DDX60L: variants seen among roughly 807,000 people sequenced by gnomAD.
DDX60L encodes probable ATP-dependent RNA helicase DDX60-like.
In DDX60L, 191 loss-of-function variants were observed where a neutral mutation model predicts 211.6. That is an observed-to-expected ratio of 0.90 (90% CI 0.80 to 1.02). The LOEUF (loss-of-function observed/expected upper bound fraction) is 1.02, where lower values mean the gene tolerates loss of function less well. Among genes scored for constraint, DDX60L ranks in the 50% least tolerant of loss-of-function variants. The pLI, the probability that DDX60L is intolerant of heterozygous loss-of-function variation, is 0.00. For synonymous variants in DDX60L, 706 were observed against 694.1 expected, an observed-to-expected ratio of 1.02 and a Z score of -0.27; for missense variants, 2,007 against 1,984.1, an observed-to-expected ratio of 1.01 and a Z score of -0.22.
chr4:168,440,496 C>T (rs927599908), intron 10 of DDX60L, among the ~76,000 whole-genome samples: 2 of 151,700 alleles, frequency 1.3e-5, no homozygotes, highest in South Asian at 2.1e-4. Context: ...CCAGCAAGTA[C>T]CCCCTCCTCA....
intron 8 of DDX60L, 73 bp from the exon 9 acceptor site, chr4:168,448,852 A>G: frequency 7.3e-7 from 1 of 1,370,374 alleles, no homozygotes; most frequent in Non-Finnish European, 1.0e-6. Context: ...AACCCCCTAT[A>G]AGGTAGGTCA....
rs1745456444 is a variant in DDX60L at position 168,394,637 on chromosome 4, T to C, written c.3658-20A>G. 1 of 1,571,792 alleles carries C rather than the reference T, an allele frequency of 6.4e-7. No individual in the cohort carries two copies. Among genetic ancestry groups the C allele is most frequent in the African/African-American group, 1.4e-5 (1 of 72,546 alleles). On this transcript the variant is annotated intron_variant, in intron 27 of 37. Coordinates refer to ENST00000682922, the MANE Select transcript of DDX60L (RefSeq NM_001012967.3). ...CAAAGTCTAAAACAAGAAAGAAGTG[T>C]AAAACAATTGATGATGTATTTTATT... is the stretch of plus-strand genomic sequence containing the variant.
intron 12 of DDX60L, among the ~76,000 whole-genome samples, chr4:168,430,942 G>A (rs1752253511): frequency 6.6e-6 from 1 of 152,004 alleles, no homozygotes; most frequent in Non-Finnish European, 1.5e-5. Context: ...TACAAACTAG[G>A]TCCACATGAT....
chr4:168,432,948 A>T, intron 11 of DDX60L, 62 bp downstream of exon 11: 139 of 830,088 alleles, frequency 1.7e-4, no homozygotes, highest in Non-Finnish European at 2.5e-4. Flanking sequence ...TTGATGAGTC[A>T]TTCACTTCAC....
chr4:168,401,734 A>G (rs1196717033), intron 25 of DDX60L, among the ~76,000 whole-genome samples: 1 of 152,214 alleles, frequency 6.6e-6, no homozygotes, highest in Non-Finnish European at 1.5e-5. Context: ...TTCGAATACT[A>G]CTTGTGAGGC....
intron 29 of DDX60L, among the ~76,000 whole-genome samples, chr4:168,385,936 C>T (rs1400375479): frequency 1.3e-5 from 2 of 151,718 alleles, no homozygotes; most frequent in Non-Finnish European, 2.9e-5. Flanking sequence ...TCTCACCACA[C>T]ACACACACAA....
intron 37 of DDX60L, among the ~76,000 whole-genome samples, chr4:168,358,674 G>A (rs961873911): frequency 6.6e-6 from 1 of 151,556 alleles, no homozygotes; most frequent in African/African-American, 2.4e-5. Flanking sequence ...TGGGATTATA[G>A]GCACCCGGCT....
intron 14 of DDX60L, among the ~76,000 whole-genome samples, chr4:168,424,688 G>T (rs1251894987): frequency 6.6e-6 from 1 of 152,062 alleles, no homozygotes; most frequent in African/African-American, 2.4e-5. Context: ...CAAGAGGATG[G>T]CCTTGAAGGA....
intron 32 of DDX60L, among the ~76,000 whole-genome samples, chr4:168,379,149 A>G (rs746105813): frequency 2.6e-5 from 4 of 152,228 alleles, no homozygotes; most frequent in Non-Finnish European, 5.9e-5. Flanking sequence ...CAGTTAAGTA[A>G]TATATAAGTA....
intron 4 of DDX60L, 69 bp downstream of exon 4, chr4:168,471,678 C>T (rs942459489): frequency 3.2e-6 from 4 of 1,258,860 alleles, no homozygotes; most frequent in Non-Finnish European, 4.3e-6. Flanking sequence ...AGGTCAAAGG[C>T]TCTTTAGGTT....
chr4:168,430,575 T>A lies in DDX60L; in HGVS notation c.1580A>T (p.Tyr527Phe). 6.2e-7 allele frequency: 1 copy of A among 1,603,412 alleles called. No homozygotes were observed. Among genetic ancestry groups the A allele is most frequent in the Non-Finnish European group, 8.5e-7 (1 of 1,174,664 alleles). The change falls in exon 13 of 38, where the codon TAT becomes TTT. Residue 527 changes from tyrosine to phenylalanine, a missense_variant. Physicochemically the swap from Tyr to Phe is conservative, Grantham distance 22. Coordinates refer to ENST00000682922, the MANE Select transcript of DDX60L (RefSeq NM_001012967.3). ...LKKIQDYQQF[Y>F]GKSLESISTK... is the part of the protein sequence containing the mutation. ...AGAGATTGATTCTAACGATTTCCCA[T>A]AAAATTGCTGATAATCCTGAATCTT...
At chr4:168,375,014 G>GA (rs1048410179) in intron 34 of DDX60L, among the ~76,000 whole-genome samples, 3 of 152,006 alleles carry the variant, frequency 2.0e-5, no homozygotes, top group Non-Finnish European at 2.9e-5. Context: ...CCCCTCAGGG[G>GA]AAAAAAATGC....
intron 37 of DDX60L, among the ~76,000 whole-genome samples, chr4:168,358,524 CTTTTTTT>C (rs70961514): frequency 9.2e-6 from 1 of 108,304 alleles, no homozygotes; most frequent in African/African-American, 3.2e-5. Context: ...TTTTCTTTTT[CTTTTTTT>C]TTTTTTTTTT....
chr4:168,449,666 G>GACAAAAAAAAAAAAA, intron 8 of DDX60L, among the ~76,000 whole-genome samples: 1 of 19,824 alleles, frequency 5.0e-5, no homozygotes, highest in Non-Finnish European at 8.5e-5. Flanking sequence ...AAAAAAAAAA[G>GACAAAAAAAAAAAAA]AAAAAAGAAA....
intron 1 of DDX60L, among the ~76,000 whole-genome samples, chr4:168,479,615 C>CG (rs1166736048): frequency 2.6e-5 from 4 of 152,040 alleles, no homozygotes; most frequent in African/African-American, 7.2e-5. Flanking sequence ...AAAAGAGAAG[C>CG]GGGAAAAAAG....
intron 9 of DDX60L, among the ~76,000 whole-genome samples, chr4:168,442,475 T>C (rs1324982870): frequency 6.6e-6 from 1 of 152,096 alleles, no homozygotes; most frequent in African/African-American, 2.4e-5. Flanking sequence ...TGCCCAGGCT[T>C]GATTAGGTAA....
chr4:168,439,754 A>ATT (rs1447241243), intron 10 of DDX60L, among the ~76,000 whole-genome samples: 1 of 152,172 alleles, frequency 6.6e-6, no homozygotes, highest in Non-Finnish European at 1.5e-5. Context: ...ACCAAAACCA[A>ATT]AGTTTCTTAC....
At chr4:168,473,163 C>T (rs12331193) in intron 1 of DDX60L, among the ~76,000 whole-genome samples, 12,131 of 152,140 alleles carry the variant, frequency 0.08, 1,128 homozygotes, top group African/African-American at 0.22. Flanking sequence ...GAAGTTAGTG[C>T]GGCTGCAGCA....
intron 13 of DDX60L, 137 bp from the exon 14 acceptor site, chr4:168,427,459 G>A: frequency 1.0e-6 from 1 of 965,288 alleles, no homozygotes; most frequent in East Asian, 2.5e-5. Context: ...AATTCTTAAT[G>A]TCTTTTCTTA....
Sources: gnomAD v4.1 joint callset for allele counts (sites outside exome capture counted in the v4.1 genomes callset) on GRCh38, gnomAD v4.1.1 for gene constraint, MANE v1.5 for transcripts, NCBI Gene and HGNC (gene_info 2026-07-23, HGNC 2026-07-21) for gene names.